The following IL7 variants were observed in gnomAD, a reference collection of about 807,000 sequenced individuals.
The protein encoded by IL7 is interleukin 7.
Under a neutral mutation model 21.6 loss-of-function variants are expected in IL7, and 3 were observed. That is an observed-to-expected ratio of 0.14 (90% CI 0.06 to 0.36). The LOEUF is 0.36. Ranked by LOEUF, IL7 falls within the 10% of genes least tolerant of loss-of-function variation. The pLI is 1.00. For missense variants in IL7, 175 were observed against 200.2 expected, an observed-to-expected ratio of 0.87 and a Z score of 0.76; for synonymous variants, 62 against 68.1, an observed-to-expected ratio of 0.91 and a Z score of 0.44.
intron 1 of IL7, among the ~76,000 whole-genome samples, chr8:78,804,356 C>G (rs1414773699): frequency 6.6e-6 from 1 of 152,212 alleles, no homozygotes; most frequent in African/African-American, 2.4e-5. Flanking sequence ...CAGCAATAGG[C>G]GCAAGGTACA....
intron 2 of IL7, among the ~76,000 whole-genome samples, chr8:78,741,524 C>T (rs187609304): frequency 1.3e-4 from 20 of 152,240 alleles, no homozygotes; most frequent in African/African-American, 4.8e-4. Context: ...TCGTATGAGA[C>T]AATATGTCAC....
chr8:78,798,644 C>CAT (rs112435759), intron 1 of IL7, among the ~76,000 whole-genome samples: 12,338 of 151,926 alleles, frequency 0.081, 606 homozygotes, highest in African/African-American at 0.14. Context: ...GATGGTAGTC[C>CAT]ATGTCTATTT....
At chr8:78,687,841 ATATATATTTATATAATATATATC>A (rs1335233663) in intron 3 of IL7, among the ~76,000 whole-genome samples, 4 of 106,748 alleles carry the variant, frequency 3.7e-5, no homozygotes, top group Non-Finnish European at 4.2e-5. Flanking sequence ...AATAAATTAT[ATATATATTTATATAATATATATC>A]TATATAATAA....
intron 1 of IL7, among the ~76,000 whole-genome samples, chr8:78,800,857 G>C (rs1480439278): frequency 6.6e-6 from 1 of 152,058 alleles, no homozygotes; most frequent in Non-Finnish European, 1.5e-5. Flanking sequence ...AGAGTGAAAG[G>C]GATACTTTTA....
intron 3 of IL7, among the ~76,000 whole-genome samples, chr8:78,709,099 A>T (rs1325656754): frequency 1.3e-5 from 2 of 152,190 alleles, no homozygotes; most frequent in Non-Finnish European, 2.9e-5. Flanking sequence ...TTAAATGGAT[A>T]TCTCAGTTAA....
At chr8:78,781,874 T>C (rs892950109) in intron 2 of IL7, among the ~76,000 whole-genome samples, 5 of 152,336 alleles carry the variant, frequency 3.3e-5, no homozygotes, top group Admixed American at 2.6e-4. Flanking sequence ...GTAGGTTTTG[T>C]GGGTTTACAT....
intron 1 of IL7, 40 bp from the exon 2 acceptor site, chr8:78,798,248 T>A (rs1181629447): frequency 6.9e-7 from 1 of 1,442,928 alleles, no homozygotes; most frequent in Non-Finnish European, 9.6e-7. Flanking sequence ...AAATGTTATA[T>A]CGTATTGCAT....
At chr8:78,746,572 C>T (rs975599039) in intron 2 of IL7, among the ~76,000 whole-genome samples, 2 of 152,204 alleles carry the variant, frequency 1.3e-5, no homozygotes, top group African/African-American at 2.4e-5. Flanking sequence ...TTCTAATCCA[C>T]ACTCAAGAGG....
intron 3 of IL7, among the ~76,000 whole-genome samples, 178 bp from the exon 4 acceptor site, chr8:78,738,813 C>T (rs1373168045): frequency 6.6e-6 from 1 of 152,114 alleles, no homozygotes; most frequent in Admixed American, 6.5e-5. Flanking sequence ...CTGTTTGGCT[C>T]CTAGGTGACA....
At chr8:78,735,890 T>C (rs926477375) in intron 5 of IL7, among the ~76,000 whole-genome samples, 8 of 152,096 alleles carry the variant, frequency 5.3e-5, no homozygotes, top group Admixed American at 4.6e-4. Flanking sequence ...TTAGTACCTA[T>C]ATCATTTTAA....
chr8:78,743,300 T>C (rs1200038922), intron 2 of IL7, among the ~76,000 whole-genome samples: 1 of 152,244 alleles, frequency 6.6e-6, no homozygotes, highest in Non-Finnish European at 1.5e-5. Context: ...CTTTAGGTCT[T>C]TGAGAAATTG....
chr8:78,753,633 G>T (rs1812248909), intron 2 of IL7, among the ~76,000 whole-genome samples: 1 of 152,092 alleles, frequency 6.6e-6, no homozygotes, highest in Admixed American at 6.6e-5. Flanking sequence ...TGGTGTTTTA[G>T]TCATGAAGTC....
At chr8:78,754,819 G>A (rs377708812) in intron 2 of IL7, among the ~76,000 whole-genome samples, 2 of 152,058 alleles carry the variant, frequency 1.3e-5, no homozygotes, top group Admixed American at 6.6e-5. Flanking sequence ...CCATTGCTGT[G>A]TAGAAGTTTT....
chr8:78,732,091 T>C (rs1267945929), downstream of IL7, among the ~76,000 whole-genome samples: 1 of 152,010 alleles, frequency 6.6e-6, no homozygotes, highest in Non-Finnish European at 1.5e-5. Context: ...AGGGTAGAGG[T>C]GTACCACATG....
rs541270985 is a variant in IL7 at position 78,742,887 on chromosome 8, C to A, written c.148-2805G>T. Among the ~76,000 whole-genome samples the A allele has an allele frequency of 5.1e-4, 78 of 152,204 alleles. No individual in the cohort carries two copies. The South Asian group carries it at 0.016, about 30-fold the overall frequency. On this transcript the variant is annotated intron_variant, in intron 2 of 5. Coordinates refer to ENST00000263851, the MANE Select transcript of IL7 (RefSeq NM_000880.4). ...TGATCCTCTCCCTCTTCCTACCCTC[C>A]ATCCTCCAAAAAGCCCCAGTGTGTA...
chr8:78,686,368 A>G, intron 3 of IL7: 1 of 1,027,126 alleles, frequency 9.7e-7, no homozygotes, highest in Non-Finnish European at 1.3e-6. Flanking sequence ...CTGATAAGAG[A>G]ACATTTAAAA....
chr8:78,743,387 C>T (rs1196779318), intron 2 of IL7, among the ~76,000 whole-genome samples: 1 of 152,070 alleles, frequency 6.6e-6, no homozygotes, highest in African/African-American at 2.4e-5. Context: ...TTCTTCACAA[C>T]CTTGCCAGCA....
At chr8:78,742,256 G>A (rs138958442) in intron 2 of IL7, among the ~76,000 whole-genome samples, 74 of 152,062 alleles carry the variant, frequency 4.9e-4, no homozygotes, top group African/African-American at 1.4e-3. Flanking sequence ...CCTGGGAGGC[G>A]GAGCTTGCAG....
chr8:78,698,338 G>GT, intron 3 of IL7: 1 of 1,203,854 alleles, frequency 8.3e-7, no homozygotes, highest in South Asian at 1.6e-5. Context: ...CTAAAGCATT[G>GT]TTTCCTTTGT....
Sources: allele counts gnomAD v4.1 joint callset (sites outside exome capture counted in the v4.1 genomes callset), GRCh38; gene constraint gnomAD v4.1.1; transcripts MANE v1.5; gene names NCBI Gene and HGNC (gene_info 2026-07-23, HGNC 2026-07-21).